Variants in WWTR1 observed in about 807,000 individuals in gnomAD.
WWTR1 encodes WW domain-containing transcription regulator protein 1.
Under a neutral mutation model 40.1 loss-of-function variants are expected in WWTR1, and 13 were observed. That is an observed-to-expected ratio of 0.32 (90% CI 0.21 to 0.52). The LOEUF (loss-of-function observed/expected upper bound fraction) is 0.52, where lower values mean the gene tolerates loss of function less well. Ranked by LOEUF, WWTR1 falls within the 20% of genes least tolerant of loss-of-function variation. The pLI is 0.97. For synonymous variants in WWTR1, 230 were observed against 210.1 expected (o/e 1.09, Z -0.82); for missense variants, 436 against 523.1 (o/e 0.83, Z 1.63).
At chr3:149,722,217 A>G (rs1259498169) in intron 4 of WWTR1, among the ~76,000 whole-genome samples, 1 of 151,158 alleles carries the variant, frequency 6.6e-6, no homozygotes, top group Non-Finnish European at 1.5e-5. Context: ...ATTTTCCTCT[A>G]TTCTTCTTCT....
intron 1 of WWTR1, among the ~76,000 whole-genome samples, chr3:149,676,605 T>C (rs1038786019): frequency 3.3e-5 from 5 of 152,158 alleles, no homozygotes; most frequent in African/African-American, 1.2e-4. Context: ...TGGCAGATAT[T>C]GTTAGTTCAG....
At chr3:149,708,889 A>G (rs1309248892) in intron 5 of WWTR1, among the ~76,000 whole-genome samples, 1 of 152,180 alleles carries the variant, frequency 6.6e-6, no homozygotes, top group Non-Finnish European at 1.5e-5. Context: ...GAATCTCCAT[A>G]CTGTTTTCCA....
At chr3:149,619,264 C>G (rs550535360) in intron 2 of WWTR1, among the ~76,000 whole-genome samples, 1 of 152,102 alleles carries the variant, frequency 6.6e-6, no homozygotes, top group Non-Finnish European at 1.5e-5. Flanking sequence ...CTGTTCCCCT[C>G]CCCTTCCAAC....
chr3:149,683,426 G>A (rs1188416311), intron 1 of WWTR1, among the ~76,000 whole-genome samples: 1 of 152,198 alleles, frequency 6.6e-6, no homozygotes, highest in East Asian at 1.9e-4. Flanking sequence ...GGGTACAGGG[G>A]CTCATGCCTG....
In WWTR1 at chr3:149,633,477, G is replaced by T. The variant is rs1004283072; in HGVS notation, c.431+23399C>A. ...TCTCCTTTAAGTTCTTCATTTAAGG[G>T]TGAGGAAACCAAGTAAAAAGTCCAA... On this transcript the variant is annotated intron_variant, in intron 2 of 6. Coordinates refer to ENST00000360632, the MANE Select transcript of WWTR1 (RefSeq NM_015472.6). 1.4e-3 allele frequency among the ~76,000 whole-genome samples: 206 copies of T among 152,176 alleles called. 4 individuals are homozygous for T. The highest frequency in any genetic ancestry group is 5.0e-3 in the Admixed American group (77 of 15,276).
intron 2 of WWTR1, among the ~76,000 whole-genome samples, chr3:149,610,889 TC>T (rs1739706660): frequency 6.6e-6 from 1 of 152,008 alleles, no homozygotes; most frequent in Non-Finnish European, 1.5e-5. Flanking sequence ...ACACCTGTAA[TC>T]CCAACACTTT....
intron 3 of WWTR1, among the ~76,000 whole-genome samples, chr3:149,562,600 GAC>G (rs60366789): frequency 0.13 from 17,499 of 135,618 alleles, 1,366 homozygotes; most frequent in African/African-American, 0.2. Context: ...TTAAAATACA[GAC>G]ACACACACAC....
intron 2 of WWTR1, among the ~76,000 whole-genome samples, chr3:149,583,068 C>G (rs1198158230): frequency 6.6e-6 from 1 of 152,146 alleles, no homozygotes; most frequent in South Asian, 2.1e-4. Context: ...CAGGTTCAAG[C>G]GATTCTCCTG....
chr3:149,664,968 T>C (rs1172021161), intron 2 of WWTR1, among the ~76,000 whole-genome samples: 1 of 152,170 alleles, frequency 6.6e-6, no homozygotes, highest in Non-Finnish European at 1.5e-5. Flanking sequence ...ATTTTTGATA[T>C]TTAATCTTAA....
chr3:149,569,913 G>C (rs1041050180), intron 3 of WWTR1, among the ~76,000 whole-genome samples: 1 of 152,154 alleles, frequency 6.6e-6, no homozygotes, highest in African/African-American at 2.4e-5. Flanking sequence ...ATGCCCAAGA[G>C]ATCCTCCCAC....
chr3:149,641,962 A>G lies in WWTR1; in HGVS notation c.431+14914T>C, dbSNP rs148557091. On this transcript the variant is annotated intron_variant, in intron 2 of 6. Coordinates refer to ENST00000360632, the MANE Select transcript of WWTR1 (RefSeq NM_015472.6). ...TCAAGGTTAACTTTTCTTAGATGAT[A>G]GATAAGATAGCTAAACTTTTTTAAA... Among the ~76,000 whole-genome samples the G allele has an allele frequency of 1.7e-3, 256 of 152,382 alleles. 1 individual carries two copies. The highest frequency in any genetic ancestry group is 2.5e-3 in the Non-Finnish European group (170 of 68,040).
At chr3:149,530,365 A>G (rs1001186857) in intron 4 of WWTR1, among the ~76,000 whole-genome samples, 1 of 151,682 alleles carries the variant, frequency 6.6e-6, no homozygotes, top group Non-Finnish European at 1.5e-5. Flanking sequence ...GAAAAAAAAA[A>G]TACAAGTTGA....
intron 5 of WWTR1, among the ~76,000 whole-genome samples, chr3:149,714,375 C>T (rs1034732384): frequency 2.0e-5 from 3 of 152,224 alleles, no homozygotes; most frequent in African/African-American, 7.2e-5. Context: ...CACCCTTGCC[C>T]CGGTAGGCTC....
At chr3:149,658,959 C>A (rs574372139), upstream of WWTR1, among the ~76,000 whole-genome samples, 37 of 152,138 alleles carry the variant, frequency 2.4e-4, no homozygotes, top group African/African-American at 8.9e-4. Context: ...GCCAGTGACC[C>A]GAAAAAAGCC....
intron 3 of WWTR1, among the ~76,000 whole-genome samples, chr3:149,563,634 A>T (rs1196895211): frequency 6.6e-6 from 1 of 152,174 alleles, no homozygotes; most frequent in African/African-American, 2.4e-5. Flanking sequence ...TGGTGGGCAT[A>T]CTCCAAGTCC....
In WWTR1 at chr3:149,584,361, A is replaced by G. The variant is rs1275211212; in HGVS notation, c.432-11361T>C. Reference sequence around the variant, plus strand: ...CTTTTTGTTGGTTTTGTTTTTTTCAATTCTGGGAAGAGGATGAGCCACCCT... The same window carrying G: ...CTTTTTGTTGGTTTTGTTTTTTTCAGTTCTGGGAAGAGGATGAGCCACCCT... On this transcript the variant is annotated intron_variant, in intron 2 of 6. Coordinates refer to ENST00000360632, the MANE Select transcript of WWTR1 (RefSeq NM_015472.6). Among the ~76,000 whole-genome samples, 7 of 152,178 alleles carry G rather than the reference A, an allele frequency of 4.6e-5. No homozygotes were observed. The East Asian group carries it at 5.8e-4, about 13-fold the overall frequency.
At chr3:149,640,383 T>G (rs189212495) in intron 2 of WWTR1, among the ~76,000 whole-genome samples, 26 of 152,314 alleles carry the variant, frequency 1.7e-4, no homozygotes, top group South Asian at 6.2e-4. Flanking sequence ...AACCAATGCT[T>G]TTGTCTATAG....
chr3:149,661,303 A>C (rs185942707), upstream of WWTR1: 29 of 152,536 alleles, frequency 1.9e-4, no homozygotes, highest in African/African-American at 6.7e-4. Flanking sequence ...CTGCACAGCC[A>C]AGCCCAGCCC....
upstream of WWTR1, chr3:149,703,386 T>C (rs1715253727): frequency 6.6e-6 from 1 of 152,108 alleles, no homozygotes; most frequent in Admixed American, 6.5e-5. Flanking sequence ...CAAACAGAAA[T>C]ATTTACCACA....
Sources: gnomAD v4.1 joint callset for allele counts (sites outside exome capture counted in the v4.1 genomes callset) on GRCh38, gnomAD v4.1.1 for gene constraint, MANE v1.5 for transcripts, NCBI Gene and HGNC (gene_info 2026-07-23, HGNC 2026-07-21) for gene names.